DAAM2: variants seen among roughly 807,000 people sequenced by gnomAD.
DAAM2 encodes disheveled-associated activator of morphogenesis 2.
DAAM2 carries 39 observed loss-of-function variants against 120.7 expected under a neutral mutation model. The observed-to-expected ratio is 0.32, with a 90% CI of 0.25 to 0.42. The LOEUF (loss-of-function observed/expected upper bound fraction) is 0.42. Ranked by LOEUF, DAAM2 falls within the 10% of genes least tolerant of loss-of-function variation. The pLI is 1.00. For synonymous variants in DAAM2, 488 were observed against 524.9 expected (o/e 0.93, Z 0.96); for missense variants, 1,283 against 1,401.7 (o/e 0.92, Z 1.35).
chr6:39,822,251 G>A (rs1762515802), intron 1 of DAAM2: 1 of 152,300 alleles, frequency 6.6e-6, no homozygotes, highest in South Asian at 2.1e-4. Context: ...TGAATGCTCA[G>A]GTACAGTTTG....
At chr6:39,841,090 G>A (rs1176481388) in intron 1 of DAAM2, among the ~76,000 whole-genome samples, 1 of 105,996 alleles carries the variant, frequency 9.4e-6, no homozygotes, top group South Asian at 4.2e-4. Context: ...GGCTCCAGGG[G>A]GAGGGGTTCC....
chr6:39,897,641 CAGG>C (rs1366427270), intron 21 of DAAM2, among the ~76,000 whole-genome samples: 1 of 152,296 alleles, frequency 6.6e-6, no homozygotes, highest in Non-Finnish European at 1.5e-5. Context: ...TATTGGGAAG[CAGG>C]CTCTGAGTGG....
chr6:39,865,228 T>C (rs1391084140), intron 5 of DAAM2, among the ~76,000 whole-genome samples, 154 bp downstream of exon 5: 1 of 152,134 alleles, frequency 6.6e-6, no homozygotes, highest in Non-Finnish European at 1.5e-5. Context: ...ACTCCTCTCC[T>C]GGGAGGCTGC....
In DAAM2 at chr6:39,873,363, C is replaced by T. The variant is rs1305611916; in HGVS notation, c.1162+8C>T. ...ACTGCCTGCAGATGCCCTGTAAGTA[C>T]CCTGCACTTGCTGCTTCCCTCGACT... is the stretch of plus-strand genomic sequence containing the variant. On this transcript the variant is annotated splice_region_variant and intron_variant, in intron 10 of 24. Coordinates refer to ENST00000274867, the MANE Select transcript of DAAM2 (RefSeq NM_001201427.2). 1 of 1,582,258 alleles carries T rather than the reference C, an allele frequency of 6.3e-7. No individual in the cohort carries two copies. Among genetic ancestry groups the T allele is most frequent in the Non-Finnish European group, 8.7e-7 (1 of 1,152,594 alleles).
chr6:39,897,361 C>T lies in DAAM2; in HGVS notation c.2618+79C>T, dbSNP rs183210520. On this transcript the variant is annotated intron_variant, in intron 21 of 24. Transcript: ENST00000274867. The stretch of plus-strand genomic sequence containing the variant: ...TTACTTTCCTCTTTTGGGGTCTACT[C>T]TGGGCTTGATGATGGCTGGTGTGAG... 1.7e-4 allele frequency: 157 copies of T among 948,342 alleles called. No homozygotes were observed. In the African/African-American group the frequency reaches 2.0e-3, roughly 12 times the overall value. 58.7% of individuals were successfully genotyped at this position (948,342 alleles called of 1,614,324 possible). A position where few individuals can be genotyped will look rare whatever the true frequency, so the allele number is the denominator to read the frequency against.
intron 14 of DAAM2, among the ~76,000 whole-genome samples, chr6:39,880,667 T>A (rs942267960): frequency 6.6e-6 from 1 of 152,208 alleles, no homozygotes; most frequent in East Asian, 1.9e-4. Flanking sequence ...AGTTTGCTCA[T>A]GTGTGAAATG....
At chr6:39,851,560 TC>T (rs1170793640) in intron 1 of DAAM2, among the ~76,000 whole-genome samples, 1 of 152,172 alleles carries the variant, frequency 6.6e-6, no homozygotes, top group Non-Finnish European at 1.5e-5. Context: ...GCTTTTGAAG[TC>T]CTGAAATGTA....
In DAAM2 at chr6:39,904,372, T is replaced by TCAA. The variant is rs1322539916; in HGVS notation, c.*2337_*2339dup. Reference sequence around the variant, plus strand: ...AGTGCCTTGGACCATGGACTCATACTCAACTGAGTAAGAAGGGGCTGGTGC... The same window carrying TCAA: ...AGTGCCTTGGACCATGGACTCATACTCAACAACTGAGTAAGAAGGGGCTGGTGC... On this transcript the variant is annotated 3_prime_UTR_variant, in exon 25 of 25. Coordinates refer to ENST00000274867, the MANE Select transcript of DAAM2 (RefSeq NM_001201427.2). The TCAA allele has an allele frequency of 2.2e-6, 1 of 456,522 alleles. No homozygotes were observed. The highest frequency in any genetic ancestry group is 4.4e-6 in the Non-Finnish European group (1 of 226,986). The allele number at this position is 456,522 out of a possible 1,614,324, so 28.3% of individuals were successfully genotyped here. A position where few individuals can be genotyped will look rare whatever the true frequency, so the allele number is the denominator to read the frequency against.
At chr6:39,887,692 C>T in intron 16 of DAAM2, 100 bp downstream of exon 16, 2 of 777,682 alleles carry the variant, frequency 2.6e-6, no homozygotes, top group Non-Finnish European at 4.3e-6. Flanking sequence ...TCTGCTGTCC[C>T]CTGGGAGGGG....
In DAAM2 at chr6:39,870,277, A is replaced by G. The variant is rs1052496792; in HGVS notation, c.874-63A>G. 2.0e-5 allele frequency: 20 copies of G among 1,022,130 alleles called. No homozygotes were observed. In the Admixed American group the frequency reaches 4.0e-4, roughly 20 times the overall value. 63.3% of individuals were successfully genotyped at this position (1,022,130 alleles called of 1,614,324 possible). A position where few individuals can be genotyped will look rare whatever the true frequency, so the allele number is the denominator to read the frequency against. On this transcript the variant is annotated intron_variant, in intron 7 of 24. Transcript: ENST00000274867. ...TGGCTAGGGTGGTGATGAGGGCTCC[A>G]CTGGGGATGTTGTGGAAACTGAGAT...
chr6:39,822,740 C>T (rs994337616), intron 1 of DAAM2: 19 of 152,276 alleles, frequency 1.2e-4, no homozygotes, highest in East Asian at 3.9e-4. Context: ...CCTCTTAAGT[C>T]GTCTAACCAT....
At chr6:39,814,301 C>A (rs1018930865) in intron 1 of DAAM2, among the ~76,000 whole-genome samples, 3 of 151,780 alleles carry the variant, frequency 2.0e-5, no homozygotes, top group East Asian at 3.9e-4. Context: ...AGATTAGACA[C>A]CCTGTTTTAA....
chr6:39,867,422 G>A, intron 5 of DAAM2, 88 bp from the exon 6 acceptor site: 1 of 1,284,996 alleles, frequency 7.8e-7, no homozygotes, highest in Non-Finnish European at 1.1e-6. Context: ...CAAGGTGCAT[G>A]GTGGTACACA....
At chr6:39,831,015 T>C (rs1470015994) in intron 1 of DAAM2, among the ~76,000 whole-genome samples, 1 of 152,328 alleles carries the variant, frequency 6.6e-6, no homozygotes, top group East Asian at 1.9e-4. Context: ...GGTGTGGGCA[T>C]CATCTCCATT....
Position 39,904,706 on chromosome 6 carries a change from A to C in DAAM2, c.*2669A>C, listed in dbSNP as rs1445739022. Reference sequence around the variant, plus strand: ...GAACTGTGACTATCTATCTCCCCCGACTTCTACCAGGGATGCCTTCACGCC... The same window carrying C: ...GAACTGTGACTATCTATCTCCCCCGCCTTCTACCAGGGATGCCTTCACGCC... On this transcript the variant is annotated 3_prime_UTR_variant, in exon 25 of 25. Transcript: ENST00000274867. The C allele has an allele frequency of 2.2e-6, 1 of 454,004 alleles. No homozygotes were observed. The highest frequency in any genetic ancestry group is 1.6e-5 in the South Asian group (1 of 64,468). The allele number at this position is 454,004 out of a possible 1,614,324, so 28.1% of individuals were successfully genotyped here. A position where few individuals can be genotyped will look rare whatever the true frequency, so the allele number is the denominator to read the frequency against.
In DAAM2 at chr6:39,887,475, G is replaced by C. The variant is rs1404100004; in HGVS notation, c.1954-11G>C. ...CACACCTCAACTGTCCACTTGACTT[G>C]TTGGTTGCAGAAAGAGCTGGGCTCC... On this transcript the variant is annotated splice_polypyrimidine_tract_variant and intron_variant, in intron 15 of 24. Coordinates refer to ENST00000274867, the MANE Select transcript of DAAM2 (RefSeq NM_001201427.2). 8.7e-6 allele frequency: 14 copies of C among 1,607,236 alleles called. No individual in the cohort carries two copies. The highest frequency in any genetic ancestry group is 1.0e-5 in the Non-Finnish European group (12 of 1,175,178).
rs34459856 is a variant in DAAM2 at position 39,808,075 on chromosome 6, C to CT, written c.-57+15626dup. On this transcript the variant is annotated intron_variant, in intron 1 of 24. Transcript: ENST00000274867. The stretch of plus-strand genomic sequence containing the variant: ...GCACATGGTAATCACTGTTTTTGAC[C>CT]TTTTTTTTTTTTTTTTCTAATTTGC... 8.6e-3 allele frequency among the ~76,000 whole-genome samples: 1,201 copies of CT among 140,002 alleles called. 12 individuals are homozygous for CT. Among genetic ancestry groups the CT allele is most frequent in the African/African-American group, 0.025 (938 of 37,714 alleles). 91.8% of individuals were successfully genotyped at this position (140,002 alleles called of 152,430 possible).
intron 1 of DAAM2, among the ~76,000 whole-genome samples, chr6:39,845,603 C>T (rs1008978652): frequency 3.3e-5 from 5 of 151,956 alleles, no homozygotes; most frequent in African/African-American, 9.7e-5. Context: ...CACTCCCCAC[C>T]GCTTCACCCA....
intron 19 of DAAM2, among the ~76,000 whole-genome samples, chr6:39,893,698 C>A (rs1462256631): frequency 6.6e-6 from 1 of 152,108 alleles, no homozygotes; most frequent in East Asian, 1.9e-4. Flanking sequence ...CTTGTATAGA[C>A]CAGACATAAG....
Sources: allele counts gnomAD v4.1 joint callset (sites outside exome capture counted in the v4.1 genomes callset), GRCh38; gene constraint gnomAD v4.1.1; transcripts MANE v1.5; gene names NCBI Gene and HGNC (gene_info 2026-07-23, HGNC 2026-07-21).